The following MGRN1 variants were observed in gnomAD, a reference collection of about 807,000 sequenced individuals.
MGRN1 encodes E3 ubiquitin-protein ligase MGRN1.
In MGRN1, 29 loss-of-function variants were observed where a neutral mutation model predicts 69.2. The ratio of observed to expected loss-of-function variants is 0.42; its 90% CI spans 0.31 to 0.57. The LOEUF (loss-of-function observed/expected upper bound fraction) is 0.57, where lower values mean the gene tolerates loss of function less well. Among genes scored for constraint, MGRN1 ranks in the 20% least tolerant of loss-of-function variants. The pLI is 0.15. For missense variants in MGRN1, 998 were observed against 796.2 expected (o/e 1.25, Z -3.05); for synonymous variants, 470 against 344.2 (o/e 1.37, Z -4.04).
chr16:4,635,193 C>T (rs1898217392), intron 1 of MGRN1, among the ~76,000 whole-genome samples: 1 of 152,140 alleles, frequency 6.6e-6, no homozygotes. Context: ...AGGCGGATCA[C>T]TTGAGGTCAG....
At chr16:4,666,418 C>T (rs2078807272) in intron 7 of MGRN1, among the ~76,000 whole-genome samples, 1 of 152,218 alleles carries the variant, frequency 6.6e-6, no homozygotes, top group Non-Finnish European at 1.5e-5. Context: ...AAGCGTGAGC[C>T]ACCGTACCTG....
At chr16:4,651,411 G>C (rs1428561678) in intron 2 of MGRN1, among the ~76,000 whole-genome samples, 1 of 152,204 alleles carries the variant, frequency 6.6e-6, no homozygotes, top group Non-Finnish European at 1.5e-5. Flanking sequence ...AGAAAGGGAG[G>C]CTCTACTGGA....
At chr16:4,641,809 G>A (rs142705104) in intron 1 of MGRN1, among the ~76,000 whole-genome samples, 3,386 of 152,220 alleles carry the variant, frequency 0.022, 46 homozygotes, top group Non-Finnish European at 0.034. Flanking sequence ...GTGAGCCACT[G>A]CGCCTGGCCA....
At chr16:4,673,984 T>C (rs911468248) in intron 10 of MGRN1, among the ~76,000 whole-genome samples, 2 of 151,060 alleles carry the variant, frequency 1.3e-5, no homozygotes, top group African/African-American at 5.0e-5. Flanking sequence ...ATTCTTATTT[T>C]ATTTTTATTA....
rs976411603 is a variant in MGRN1, at chr16:4,688,965, C to T, written c.*57C>T. 4.0e-6 allele frequency: 6 copies of T among 1,486,866 alleles called. No individual in the cohort carries two copies. The highest frequency in any genetic ancestry group is 4.4e-5 in the Admixed American group (2 of 45,458). 92.1% of individuals were successfully genotyped at this position (1,486,866 alleles called of 1,614,324 possible). The stretch of plus-strand genomic sequence containing the variant: ...CGGCTCCCCAGACTTTGCCGAGGGG[C>T]TGCTCCGGACCCCGTTGTGAGCCGG... On this transcript the variant is annotated 3_prime_UTR_variant, in exon 17 of 17. Coordinates refer to ENST00000262370, the MANE Select transcript of MGRN1 (RefSeq NM_015246.4).
At chr16:4,640,900 G>A (rs962979816) in intron 1 of MGRN1, among the ~76,000 whole-genome samples, 1 of 152,230 alleles carries the variant, frequency 6.6e-6, no homozygotes, top group South Asian at 2.1e-4. Context: ...TGAGCTTGGG[G>A]GCCTTAGCCA....
At chr16:4,658,663 C>G (rs1353233718) in intron 5 of MGRN1, among the ~76,000 whole-genome samples, 1 of 151,752 alleles carries the variant, frequency 6.6e-6, no homozygotes, top group Non-Finnish European at 1.5e-5. Flanking sequence ...TGGCTGTGTT[C>G]CTGACGTTTA....
chr16:4,686,112 T>TA, intron 16 of MGRN1: 1 of 974,444 alleles, frequency 1.0e-6, no homozygotes, highest in Non-Finnish European at 1.5e-6. Context: ...GCTGTGGTTC[T>TA]CCTTGTGGTT....
chr16:4,686,456 T>C, intron 16 of MGRN1: 1 of 1,417,946 alleles, frequency 7.1e-7, no homozygotes, highest in Non-Finnish European at 9.2e-7. Flanking sequence ...AATCCAGAGC[T>C]CTCCAGTGGC....
intron 1 of MGRN1, among the ~76,000 whole-genome samples, chr16:4,628,362 G>C (rs1476832489): frequency 2.0e-5 from 3 of 147,960 alleles, no homozygotes; most frequent in Admixed American, 1.4e-4. Context: ...CTCCAGCTGG[G>C]CGATAGAGTG....
chr16:4,671,242 T>C, intron 8 of MGRN1, 149 bp from the exon 9 acceptor site: 1 of 692,132 alleles, frequency 1.4e-6, no homozygotes, highest in Non-Finnish European at 2.5e-6. Context: ...AGGTTTTCCC[T>C]GCCCTTCTCC....
At chr16:4,625,827 C>T (rs1461998116) in intron 1 of MGRN1, among the ~76,000 whole-genome samples, 2 of 152,190 alleles carry the variant, frequency 1.3e-5, no homozygotes, top group East Asian at 3.9e-4. Flanking sequence ...TCCATCTCCT[C>T]GTGGGGTTCT....
At chr16:4,661,143 AT>A (rs112367751) in intron 5 of MGRN1, among the ~76,000 whole-genome samples, 64,548 of 144,790 alleles carry the variant, frequency 0.45, 14,418 homozygotes, top group East Asian at 0.62. Context: ...CTACTGGCTG[AT>A]TTTTTTTTTT....
intron 16 of MGRN1, chr16:4,686,181 G>T (rs1374077218): frequency 6.6e-7 from 1 of 1,504,516 alleles, no homozygotes; most frequent in Admixed American, 2.0e-5. Flanking sequence ...CCCCAAGCTG[G>T]TGCCCTTGCT....
At chr16:4,673,921 G>A (rs1292116669) in intron 10 of MGRN1, among the ~76,000 whole-genome samples, 1 of 152,236 alleles carries the variant, frequency 6.6e-6, no homozygotes, top group East Asian at 1.9e-4. Context: ...GGGCTACAGA[G>A]GCGCTCCAGG....
chr16:4,679,140 G>A (rs779009484), intron 11 of MGRN1, among the ~76,000 whole-genome samples: 3 of 152,226 alleles, frequency 2.0e-5, no homozygotes, highest in South Asian at 2.1e-4. Flanking sequence ...GAAACGCTGC[G>A]TGTGCTCAGG....
rs746728642 is a variant in MGRN1, at chr16:4,652,026, C to G, written c.271C>G (p.Arg91Gly). The G allele has an allele frequency of 6.2e-7, 1 of 1,613,916 alleles. No individual in the cohort carries two copies. Among genetic ancestry groups the G allele is most frequent in the Non-Finnish European group, 8.5e-7 (1 of 1,179,960 alleles). Residue 91 changes from arginine to glycine, a missense_variant, in exon 3 of 17, where the codon CGC becomes GGC. Physicochemically the swap from Arg to Gly is moderately radical, Grantham distance 125. Transcript: ENST00000262370. ...VKTLRSLVNI[R>G]KDSLRLVRYK... Reference sequence around the variant, plus strand: ...GACGCTGCGGAGCCTGGTGAACATCCGCAAAGACTCCCTGCGGCTGGTGAG... The same window carrying G: ...GACGCTGCGGAGCCTGGTGAACATCGGCAAAGACTCCCTGCGGCTGGTGAG...
chr16:4,668,214 T>C, intron 7 of MGRN1, 51 bp from the exon 8 acceptor site: 1 of 1,590,854 alleles, frequency 6.3e-7, no homozygotes, highest in South Asian at 1.1e-5. Flanking sequence ...GCAGGGGTGC[T>C]CAGAGGCGCC....
chr16:4,648,306 C>G (rs113526711), intron 1 of MGRN1, among the ~76,000 whole-genome samples: 4,592 of 74,726 alleles, frequency 0.061, 291 homozygotes, highest in African/African-American at 0.21. Context: ...CCTCCTCCCG[C>G]GGGCTCTTCC....
Sources: gnomAD v4.1 joint callset for allele counts (sites outside exome capture counted in the v4.1 genomes callset) on GRCh38, gnomAD v4.1.1 for gene constraint, MANE v1.5 for transcripts, NCBI Gene and HGNC (gene_info 2026-07-23, HGNC 2026-07-21) for gene names.